The following GRIA2 variants were observed in gnomAD, a reference collection of about 807,000 sequenced individuals.
GRIA2 encodes the protein glutamate receptor 2.
Under a neutral mutation model 97.3 loss-of-function variants are expected in GRIA2, and 14 were observed. The ratio of observed to expected loss-of-function variants is 0.14; its 90% CI spans 0.10 to 0.23. GRIA2 has a LOEUF of 0.23. Among genes scored for constraint, GRIA2 ranks in the 10% least tolerant of loss-of-function variants. The pLI, the probability that GRIA2 is intolerant of heterozygous loss-of-function variation, is 1.00. For missense variants in GRIA2, 558 were observed against 1,069.8 expected (o/e 0.52, Z 6.67); for synonymous variants, 412 against 387.8 (o/e 1.06, Z -0.73).
intron 2 of GRIA2, among the ~76,000 whole-genome samples, chr4:157,260,241 C>T (rs1432729986): frequency 2.0e-5 from 3 of 152,044 alleles, no homozygotes; most frequent in Admixed American, 2.0e-4. Context: ...CCCAGACATT[C>T]TGTATTTTAT....
At chr4:157,237,081 C>T (rs1419037268) in intron 2 of GRIA2, among the ~76,000 whole-genome samples, 5 of 151,936 alleles carry the variant, frequency 3.3e-5, no homozygotes, top group Non-Finnish European at 7.4e-5. Flanking sequence ...AAACATTTCC[C>T]ACCGTAGTTT....
chr4:157,275,466 T>A (rs1030153844), intron 2 of GRIA2, among the ~76,000 whole-genome samples: 2 of 152,200 alleles, frequency 1.3e-5, no homozygotes, highest in African/African-American at 4.8e-5. Flanking sequence ...TGAATGGTAT[T>A]GCCTAGGTTT....
intron 12 of GRIA2, among the ~76,000 whole-genome samples, chr4:157,353,448 A>G (rs1335315021): frequency 1.3e-5 from 2 of 152,132 alleles, no homozygotes; most frequent in Non-Finnish European, 2.9e-5. Flanking sequence ...AGGTGGGCGG[A>G]CAACGAGGTC....
chr4:157,352,718 TAAAA>T (rs571562254), intron 12 of GRIA2, among the ~76,000 whole-genome samples: 1 of 92,710 alleles, frequency 1.1e-5, no homozygotes, highest in Non-Finnish European at 2.1e-5. Context: ...AGACTCCATC[TAAAA>T]AAAAAAAAAA....
rs545260453 is a variant in GRIA2, at chr4:157,234,506, A to C, written c.229+12699A>C. ...TCAATGGATAAATAACAAGAACTAA[A>C]TCATGCATAATTTAAAAAATGTAGA... On this transcript the variant is annotated intron_variant, in intron 2 of 15. Transcript: ENST00000264426. 7.9e-5 allele frequency among the ~76,000 whole-genome samples: 12 copies of C among 152,274 alleles called. No homozygotes were observed. In the East Asian group the frequency reaches 1.3e-3, roughly 17 times the overall value.
At chr4:157,224,919 C>T (rs1359360337) in intron 2 of GRIA2, among the ~76,000 whole-genome samples, 1 of 152,062 alleles carries the variant, frequency 6.6e-6, no homozygotes, top group Non-Finnish European at 1.5e-5. Context: ...TATCATCTTG[C>T]AATGCTCTTG....
chr4:157,311,278 T>G (rs1244869348), intron 3 of GRIA2, among the ~76,000 whole-genome samples: 2 of 152,058 alleles, frequency 1.3e-5, no homozygotes, highest in Non-Finnish European at 2.9e-5. Context: ...CATAATTTCA[T>G]AGATTTAAAA....
chr4:157,283,686 T>G (rs1732711034), intron 2 of GRIA2, among the ~76,000 whole-genome samples: 1 of 151,974 alleles, frequency 6.6e-6, no homozygotes, highest in Non-Finnish European at 1.5e-5. Context: ...TTCTGTAATC[T>G]AATTTTCCTT....
At chr4:157,261,702 CTTTGTA>C (rs1731544028) in intron 2 of GRIA2, among the ~76,000 whole-genome samples, 1 of 152,030 alleles carries the variant, frequency 6.6e-6, no homozygotes, top group Non-Finnish European at 1.5e-5. Flanking sequence ...GTTTCTTTTG[CTTTGTA>C]TTTGTTAGTT....
intron 13 of GRIA2, 133 bp downstream of exon 13, chr4:157,360,276 G>A (rs1203869993): frequency 2.5e-6 from 2 of 793,292 alleles, no homozygotes; most frequent in Non-Finnish European, 3.9e-6. Flanking sequence ...ACCAAAAAAC[G>A]TTTCTGAATG....
intron 2 of GRIA2, among the ~76,000 whole-genome samples, chr4:157,297,591 A>G (rs559195813): frequency 1.3e-5 from 2 of 152,258 alleles, no homozygotes; most frequent in African/African-American, 2.4e-5. Flanking sequence ...AAATCCAGAT[A>G]GAAAATGGCA....
chr4:157,264,661 G>T (rs796431220), intron 2 of GRIA2, among the ~76,000 whole-genome samples: 28 of 152,136 alleles, frequency 1.8e-4, no homozygotes, highest in African/African-American at 6.7e-4. Context: ...CACCACAGAT[G>T]ATTGTAACAT....
intron 2 of GRIA2, among the ~76,000 whole-genome samples, chr4:157,284,910 C>T (rs1158399079): frequency 6.6e-6 from 1 of 151,602 alleles, no homozygotes; most frequent in African/African-American, 2.4e-5. Context: ...TAAATATCTC[C>T]TTGCATACAT....
At chr4:157,329,321 A>G (rs551637437) in intron 6 of GRIA2, among the ~76,000 whole-genome samples, 2 of 152,150 alleles carry the variant, frequency 1.3e-5, no homozygotes, top group African/African-American at 2.4e-5. Context: ...CTCCAGAGGA[A>G]TATCAATCAA....
At chr4:157,243,149 CTGCAAATGTCCA>C in intron 2 of GRIA2, among the ~76,000 whole-genome samples, 1 of 152,036 alleles carries the variant, frequency 6.6e-6, no homozygotes, top group East Asian at 1.9e-4. Context: ...TTTCACTGCT[CTGCAAATGTCCA>C]TGAATGACTG....
chr4:157,263,739 A>G (rs1438726348), intron 2 of GRIA2, among the ~76,000 whole-genome samples: 2 of 152,108 alleles, frequency 1.3e-5, no homozygotes, highest in East Asian at 3.9e-4. Flanking sequence ...TATATAGTCA[A>G]TGAGAATCTT....
intron 13 of GRIA2, 113 bp downstream of exon 13, chr4:157,360,256 C>T: frequency 9.4e-7 from 1 of 1,064,974 alleles, no homozygotes; most frequent in Non-Finnish European, 1.4e-6. Context: ...AACTCACCAT[C>T]ACAAAAATGA....
rs374761333 is a variant in GRIA2, at chr4:157,240,859, C to T, written c.229+19052C>T. Among the ~76,000 whole-genome samples, 56 of 151,346 alleles carry T rather than the reference C, an allele frequency of 3.7e-4. No homozygotes were observed. In the South Asian group the frequency reaches 9.4e-3, roughly 26 times the overall value. On this transcript the variant is annotated intron_variant, in intron 2 of 15. Coordinates refer to ENST00000264426, the MANE Select transcript of GRIA2 (RefSeq NM_001083619.3). ...TATCTCCCAATGCTATCCCTCCCCTCTCCCCCCACCCCACAACAGTCCCCA... is the reference window on the plus strand; with the variant it reads ...TATCTCCCAATGCTATCCCTCCCCTTTCCCCCCACCCCACAACAGTCCCCA...
chr4:157,312,600 T>C (rs1734128293), intron 3 of GRIA2, 79 bp from the exon 4 acceptor site: 1 of 766,406 alleles, frequency 1.3e-6, no homozygotes, highest in Non-Finnish European at 2.0e-6. Context: ...CTTAAAAATA[T>C]ATTCACTGGC....
Sources: gnomAD v4.1 joint callset for allele counts (sites outside exome capture counted in the v4.1 genomes callset) on GRCh38, gnomAD v4.1.1 for gene constraint, MANE v1.5 for transcripts, NCBI Gene and HGNC (gene_info 2026-07-23, HGNC 2026-07-21) for gene names.